Variants in PPARA observed in about 807,000 individuals in gnomAD.
PPARA encodes peroxisome proliferator activated receptor alpha.
In PPARA, 22 loss-of-function variants were observed where a neutral mutation model predicts 42.2. The observed-to-expected ratio is 0.52, with a 90% CI of 0.37 to 0.74. PPARA has a LOEUF of 0.74. PPARA is among the 30% of genes least tolerant of loss of function. PPARA has a pLI of 0.00. For missense variants in PPARA, 465 were observed against 608.2 expected (o/e 0.76, Z 2.48); for synonymous variants, 242 against 239.3 (o/e 1.01, Z -0.10).
intron 3 of PPARA, among the ~76,000 whole-genome samples, chr22:46,185,373 C>T (rs1437894281): frequency 2.0e-5 from 3 of 152,136 alleles, no homozygotes; most frequent in African/African-American, 7.2e-5. Context: ...TCAGAACATG[C>T]TAGTGTCTCC....
chr22:46,164,781 T>C (rs1328292971), intron 2 of PPARA: 3 of 152,242 alleles, frequency 2.0e-5, no homozygotes, highest in Non-Finnish European at 4.4e-5. Context: ...ATTAGTGTTT[T>C]AATGAGAAAG....
intron 3 of PPARA, among the ~76,000 whole-genome samples, chr22:46,181,342 C>A (rs1313123240): frequency 6.6e-6 from 1 of 152,072 alleles, no homozygotes; most frequent in African/African-American, 2.4e-5. Flanking sequence ...ACCAGGGCAT[C>A]ACATACAGCT....
At chr22:46,197,627 C>T (rs182150490) in intron 3 of PPARA, among the ~76,000 whole-genome samples, 6 of 152,136 alleles carry the variant, frequency 3.9e-5, no homozygotes, top group South Asian at 4.2e-4. Context: ...AGTGGCCAGG[C>T]GCAGTGGCTC....
Position 46,216,221 on chromosome 22 carries a change from A to G in PPARA, c.369+888A>G, listed in dbSNP as rs541336194. Among the ~76,000 whole-genome samples the G allele has an allele frequency of 4.3e-4, 66 of 152,102 alleles. No homozygotes were observed. The Middle Eastern group carries it at 0.014, about 31-fold the overall frequency. On this transcript the variant is annotated intron_variant, in intron 5 of 8. Transcript: ENST00000407236. This position sits in a 1 kb window ranked among gnomAD's most constrained non-coding sequence, Gnocchi z 4.5. Reference sequence around the variant, plus strand: ...AACATGGTGAAACCCTGTCTCTACTAAAAATACAAAAATTAGCCAGGTGTG... The same window carrying G: ...AACATGGTGAAACCCTGTCTCTACTGAAAATACAAAAATTAGCCAGGTGTG...
At chr22:46,207,190 A>G (rs1408065143) in intron 4 of PPARA, among the ~76,000 whole-genome samples, 1 of 151,202 alleles carries the variant, frequency 6.6e-6, no homozygotes, top group Admixed American at 6.6e-5. Flanking sequence ...GCCACTGCAC[A>G]CCAGCCTGGG....
intron 2 of PPARA, among the ~76,000 whole-genome samples, chr22:46,168,100 C>T (rs1428192639): frequency 1.3e-5 from 2 of 151,488 alleles, no homozygotes; most frequent in Non-Finnish European, 2.9e-5. Flanking sequence ...CGCCTGTAAT[C>T]CCAGCACTTT....
At position 46,224,394 on chromosome 22, in the gene PPARA, G is replaced by C. The variant is rs1383587733; in HGVS notation, c.711+4380G>C. ...TCTGGTTTTGTGGCCAAGGTGGGTA[G>C]TGGAAGACCATAGCCTGTGTCCCTT... On this transcript the variant is annotated intron_variant, in intron 7 of 8. Coordinates refer to ENST00000407236, the MANE Select transcript of PPARA (RefSeq NM_005036.6). This position sits in a 1 kb window ranked among gnomAD's most constrained non-coding sequence, Gnocchi z 5.7. Among the ~76,000 whole-genome samples, 1 of 152,266 alleles carries C rather than the reference G, an allele frequency of 6.6e-6. No homozygotes were observed. The highest frequency in any genetic ancestry group is 2.4e-5 in the African/African-American group (1 of 41,478).
rs1935382149 is a variant in PPARA at position 46,225,794 on chromosome 22, CACAT to C, written c.711+5784_711+5787del. Among the ~76,000 whole-genome samples, 1 of 151,710 alleles carries C rather than the reference CACAT, an allele frequency of 6.6e-6. No homozygotes were observed. Among genetic ancestry groups the C allele is most frequent in the Admixed American group, 6.6e-5 (1 of 15,236 alleles). On this transcript the variant is annotated intron_variant, in intron 7 of 8. Coordinates refer to ENST00000407236, the MANE Select transcript of PPARA (RefSeq NM_005036.6). The surrounding 1 kb of genome is among the most constrained non-coding windows in gnomAD (Gnocchi z 4.1). ...GCACGTGTAAACACACACACCCCCA[CACAT>C]ACACGTGCACCCACACATGCACACA...
intron 4 of PPARA, among the ~76,000 whole-genome samples, chr22:46,210,309 CAAA>C (rs1189985964): frequency 0.055 from 4,759 of 85,940 alleles, 241 homozygotes; most frequent in African/African-American, 0.14. Flanking sequence ...AACTCCATCT[CAAA>C]AAAAAAAAAA....
intron 3 of PPARA, among the ~76,000 whole-genome samples, chr22:46,197,896 C>T (rs1189144305): frequency 6.8e-6 from 1 of 148,138 alleles, no homozygotes; most frequent in Non-Finnish European, 1.5e-5. Context: ...AAGAGCAAGA[C>T]TCTATCTCAA....
At position 46,212,309 on chromosome 22, in the gene PPARA, G is replaced by A. The variant is rs769507123; in HGVS notation, c.209-2864G>A. The stretch of plus-strand genomic sequence containing the variant: ...TGAGCTCAAGTTATCTGCCAGCCTC[G>A]GCCTCCCAAAGTGCTGGGATGACAG... On this transcript the variant is annotated intron_variant, in intron 4 of 8. Transcript: ENST00000407236. This position sits in a 1 kb window ranked among gnomAD's most constrained non-coding sequence, Gnocchi z 4.2. 6.7e-4 allele frequency among the ~76,000 whole-genome samples: 102 copies of A among 152,138 alleles called. No homozygotes were observed. Among genetic ancestry groups the A allele is most frequent in the Non-Finnish European group, 1.2e-3 (84 of 67,990 alleles).
Position 46,238,594 on chromosome 22 carries a change from C to G in PPARA, c.*3214C>G, listed in dbSNP as rs1450418575. 6.6e-6 allele frequency: 1 copy of G among 152,260 alleles called. No individual in the cohort carries two copies. The highest frequency in any genetic ancestry group is 1.5e-5 in the Non-Finnish European group (1 of 68,050). 9.4% of individuals were successfully genotyped at this position (152,260 alleles called of 1,614,324 possible). A position where few individuals can be genotyped will look rare whatever the true frequency, so the allele number is the denominator to read the frequency against. ...TAATAGCAAAAAGTGCCAAAGTCCT[C>G]AGAGACCTAACAGCCTTGGTCTACC... On this transcript the variant is annotated 3_prime_UTR_variant, in exon 9 of 9. Transcript: ENST00000407236. The surrounding 1 kb of genome is among the most constrained non-coding windows in gnomAD (Gnocchi z 8.3).
At chr22:46,176,367 T>TCCCAGCTA (rs1427434645) in intron 2 of PPARA, among the ~76,000 whole-genome samples, 1 of 151,410 alleles carries the variant, frequency 6.6e-6, no homozygotes, top group Non-Finnish European at 1.5e-5. Context: ...GTGCCTGCAA[T>TCCCAGCTA]CCCAGCTACT....
intron 1 of PPARA, 99 bp from the exon 2 acceptor site, chr22:46,151,788 CG>C (rs886069177): frequency 2.6e-5 from 4 of 152,228 alleles, no homozygotes; most frequent in Non-Finnish European, 4.4e-5. Flanking sequence ...CGTGTCGTTG[CG>C]GGGCAGGGTC....
chr22:46,205,056 G>A (rs1933091465), intron 4 of PPARA, among the ~76,000 whole-genome samples: 1 of 150,628 alleles, frequency 6.6e-6, no homozygotes, highest in African/African-American at 2.4e-5. Flanking sequence ...TAGATACAGA[G>A]ACTCGTTATG....
At chr22:46,153,323 C>T (rs1924764524) in intron 2 of PPARA, among the ~76,000 whole-genome samples, 2 of 151,864 alleles carry the variant, frequency 1.3e-5, no homozygotes, top group Non-Finnish European at 2.9e-5. Context: ...GCACTCACCA[C>T]CACACCCGGC....
At chr22:46,181,432 G>C (rs147249726) in intron 3 of PPARA, among the ~76,000 whole-genome samples, 33 of 152,136 alleles carry the variant, frequency 2.2e-4, no homozygotes, top group African/African-American at 7.5e-4. Flanking sequence ...TGAAACTTCC[G>C]TAATAGGACC....
At position 46,195,196 on chromosome 22, in the gene PPARA, C is replaced by T. The variant is rs1000129697; in HGVS notation, c.-42-3146C>T. Among the ~76,000 whole-genome samples the T allele has an allele frequency of 6.6e-6, 1 of 152,190 alleles. No individual in the cohort carries two copies. Among genetic ancestry groups the T allele is most frequent in the Non-Finnish European group, 1.5e-5 (1 of 68,042 alleles). On this transcript the variant is annotated intron_variant, in intron 3 of 8. Coordinates refer to ENST00000407236, the MANE Select transcript of PPARA (RefSeq NM_005036.6). The surrounding 1 kb of genome is among the most constrained non-coding windows in gnomAD (Gnocchi z 4.6). Reference sequence around the variant, plus strand: ...GGGATTACAGGTGTGAGCCACCATGCCCGGCCCCAGCTACTTGCTTTCTAT... The same window carrying T: ...GGGATTACAGGTGTGAGCCACCATGTCCGGCCCCAGCTACTTGCTTTCTAT...
In PPARA at chr22:46,234,265, G is replaced by A. The variant is rs1296935636; in HGVS notation, c.1160-868G>A. ...CATCACTAAAACAATACAAAAACAAGAATTTTAGAAATAAAAACTTAATAA... is the reference window on the plus strand; with the variant it reads ...CATCACTAAAACAATACAAAAACAAAAATTTTAGAAATAAAAACTTAATAA... On this transcript the variant is annotated intron_variant, in intron 8 of 8. Transcript: ENST00000407236. The surrounding 1 kb of genome is among the most constrained non-coding windows in gnomAD (Gnocchi z 5.8). 6.6e-6 allele frequency among the ~76,000 whole-genome samples: 1 copy of A among 152,106 alleles called. No individual in the cohort carries two copies. The highest frequency in any genetic ancestry group is 1.5e-5 in the Non-Finnish European group (1 of 68,006).
Sources: gnomAD v4.1 joint callset for allele counts (sites outside exome capture counted in the v4.1 genomes callset) on GRCh38, gnomAD v4.1.1 for gene constraint, Gnocchi (gnomAD v3.1) non-coding constraint, MANE v1.5 for transcripts, NCBI Gene and HGNC (gene_info 2026-07-23, HGNC 2026-07-21) for gene names.